CACNA1A: variants seen among roughly 807,000 people sequenced by gnomAD.
The protein encoded by CACNA1A is voltage-dependent P/Q-type calcium channel subunit alpha-1A.
A neutral mutation model predicts 262.4 loss-of-function variants in CACNA1A; 57 were observed. That is an observed-to-expected ratio of 0.22 (90% CI 0.18 to 0.27). The LOEUF is 0.27. Among genes scored for constraint, CACNA1A ranks in the 10% least tolerant of loss-of-function variants. The pLI is 1.00. For synonymous variants in CACNA1A, 1,431 were observed against 1,419.3 expected (o/e 1.01, Z -0.18); for missense variants, 2,526 against 3,562.8 (o/e 0.71, Z 7.41).
chr19:13,261,228 G>C, intron 26 of CACNA1A: 1 of 483,032 alleles, frequency 2.1e-6, no homozygotes, highest in Non-Finnish European at 3.7e-6. Context: ...GTGGCTGAAA[G>C]GTCAATCAAT....
intron 9 of CACNA1A, among the ~76,000 whole-genome samples, chr19:13,331,746 G>A (rs2044017762): frequency 6.6e-6 from 1 of 151,248 alleles, no homozygotes; most frequent in African/African-American, 2.4e-5. Flanking sequence ...CTGCAACCTC[G>A]ACCTCTTGGG....
chr19:13,300,487 G>T, intron 18 of CACNA1A, 63 bp downstream of exon 18: 1 of 1,169,676 alleles, frequency 8.5e-7, no homozygotes. Flanking sequence ...TCCCAAATCT[G>T]TGCCTGGGAT....
chr19:13,274,121 GA>G (rs1158927758), intron 24 of CACNA1A: 1 of 152,056 alleles, frequency 6.6e-6, no homozygotes, highest in Non-Finnish European at 1.5e-5. Context: ...AAGAGAAAAA[GA>G]AAAGAGTAAA....
chr19:13,246,315 G>A (rs956429936), intron 30 of CACNA1A, among the ~76,000 whole-genome samples: 5 of 152,208 alleles, frequency 3.3e-5, no homozygotes, highest in African/African-American at 1.2e-4. Context: ...GGGGCCATGT[G>A]TGTCTAGGTG....
At chr19:13,356,855 C>G (rs537089551) in intron 6 of CACNA1A, among the ~76,000 whole-genome samples, 3 of 152,272 alleles carry the variant, frequency 2.0e-5, no homozygotes, top group African/African-American at 4.8e-5. Flanking sequence ...TTGGGCTGAC[C>G]CTTTGTCCAA....
intron 3 of CACNA1A, among the ~76,000 whole-genome samples, chr19:13,431,712 T>C (rs1310671650): frequency 6.6e-6 from 1 of 151,928 alleles, no homozygotes; most frequent in Non-Finnish European, 1.5e-5. Context: ...AGGAGCAAAT[T>C]CCATCTTTTG....
chr19:13,330,249 G>A lies in CACNA1A; in HGVS notation c.1340C>T (p.Ser447Phe), dbSNP rs1452587011. 6.4e-7 allele frequency: 1 copy of A among 1,555,086 alleles called. No homozygotes were observed. The highest frequency in any genetic ancestry group is 8.7e-7 in the Non-Finnish European group (1 of 1,148,188). Residue 447 changes from serine (S) to phenylalanine (F), a missense_variant, in exon 10 of 47, where the codon TCT becomes TTT. Transcript: ENST00000360228. ...TGGCAGAGGAAGGGACTCACCCACA[G>A]AGGCTATATCAGCCAGCTGATCCTC... The part of the protein sequence containing the change: ...EAEDQLADIA[S>F]VGSPFARASI...
intron 7 of CACNA1A, among the ~76,000 whole-genome samples, chr19:13,334,777 G>A (rs1217304996): frequency 6.6e-6 from 1 of 152,042 alleles, no homozygotes; most frequent in Non-Finnish European, 1.5e-5. Flanking sequence ...GCTCATGTCT[G>A]TAATCCCAGC....
In CACNA1A at chr19:13,241,459, G is replaced by C; in HGVS notation, c.4950+3723C>G. The C allele has an allele frequency of 1.6e-6, 2 of 1,236,522 alleles. No homozygotes were observed. Among genetic ancestry groups the C allele is most frequent in the Non-Finnish European group, 2.3e-6 (2 of 870,974 alleles). The allele number at this position is 1,236,522 out of a possible 1,614,324, so 76.6% of individuals were successfully genotyped here. ...GCAGGGTGTGGCATGCAATGCCGAC[G>C]CGAGGAGATGCGTTCACAGTTAATG... On this transcript the variant is annotated intron_variant, in intron 31 of 46. Transcript: ENST00000360228. This position sits in a 1 kb window ranked among gnomAD's most constrained non-coding sequence, Gnocchi z 4.0.
chr19:13,249,424 C>T lies in CACNA1A; in HGVS notation c.4866+3567G>A, dbSNP rs138021724. Among the ~76,000 whole-genome samples the T allele has an allele frequency of 7.8e-3, 1,189 of 152,172 alleles. 12 individuals are homozygous for T. The highest frequency in any genetic ancestry group is 0.054 in the South Asian group (262 of 4,820). On this transcript the variant is annotated intron_variant, in intron 30 of 46. Transcript: ENST00000360228. ...AGGGTGGGGTGCAGCGGCTCAATCA[C>T]GACTCACTGCAGCCCTGACATCCTG...
intron 3 of CACNA1A, among the ~76,000 whole-genome samples, chr19:13,396,622 T>C (rs1260669529): frequency 1.3e-5 from 2 of 152,232 alleles, no homozygotes; most frequent in Admixed American, 6.5e-5. Context: ...TTAAATAGCC[T>C]CGTGTGGCTA....
chr19:13,374,117 G>T (rs1009637642), intron 3 of CACNA1A, among the ~76,000 whole-genome samples: 2 of 152,184 alleles, frequency 1.3e-5, no homozygotes, highest in African/African-American at 4.8e-5. Flanking sequence ...GCTTGGGACT[G>T]AAAGAGGGCT....
At chr19:13,233,808 T>C (rs1391245597) in intron 34 of CACNA1A, among the ~76,000 whole-genome samples, 1 of 152,176 alleles carries the variant, frequency 6.6e-6, no homozygotes, top group Non-Finnish European at 1.5e-5. Flanking sequence ...CCTTTATTCT[T>C]GAATTTTATC....
chr19:13,285,057 G>A lies in CACNA1A; in HGVS notation c.3692+11C>T. On this transcript the variant is annotated intron_variant, in intron 21 of 46. Coordinates refer to ENST00000360228, the MANE Select transcript of CACNA1A (RefSeq NM_001127222.2). ...CAGGCCCCCCCTGCCCTTGCTGGGG[G>A]CCATACTCACGGGTTGGTCGTGGAC... 8 of 1,613,912 alleles carry A rather than the reference G, an allele frequency of 5.0e-6. No individual in the cohort carries two copies. The highest frequency in any genetic ancestry group is 6.8e-6 in the Non-Finnish European group (8 of 1,179,850).
chr19:13,297,612 A>T lies in CACNA1A; in HGVS notation c.3089+932T>A, dbSNP rs1362047683. Among the ~76,000 whole-genome samples, 5 of 152,216 alleles carry T rather than the reference A, an allele frequency of 3.3e-5. No individual in the cohort carries two copies. In the South Asian group the frequency reaches 8.3e-4, roughly 25 times the overall value. On this transcript the variant is annotated intron_variant, in intron 19 of 46. Coordinates refer to ENST00000360228, the MANE Select transcript of CACNA1A (RefSeq NM_001127222.2). ...GAATGCTTGAGTTCAGGAGTTTGAG[A>T]CCAGCCTGGGAAACACAGTGAAACC...
At chr19:13,343,121 T>C (rs1397717788) in intron 6 of CACNA1A, among the ~76,000 whole-genome samples, 1 of 144,248 alleles carries the variant, frequency 6.9e-6, no homozygotes, top group African/African-American at 2.8e-5. Flanking sequence ...CTTTCTTTTT[T>C]TTCTTTCTTT....
intron 3 of CACNA1A, among the ~76,000 whole-genome samples, chr19:13,396,221 C>T (rs894972818): frequency 2.6e-5 from 4 of 152,212 alleles, no homozygotes; most frequent in Admixed American, 6.5e-5. Context: ...CTCATTGGTT[C>T]ATTTCAGAGC....
At chr19:13,361,290 G>A (rs2059106525) in intron 5 of CACNA1A, among the ~76,000 whole-genome samples, 1 of 152,140 alleles carries the variant, frequency 6.6e-6, no homozygotes, top group Admixed American at 6.6e-5. Flanking sequence ...CCTTTTGCTG[G>A]AAACCAAAGA....
intron 3 of CACNA1A, among the ~76,000 whole-genome samples, chr19:13,416,444 G>A (rs1036548592): frequency 6.6e-6 from 1 of 152,156 alleles, no homozygotes; most frequent in Non-Finnish European, 1.5e-5. Flanking sequence ...CACTTCGGGA[G>A]GCCGAGGCGG....
Sources: allele counts gnomAD v4.1 joint callset (sites outside exome capture counted in the v4.1 genomes callset), GRCh38; gene constraint gnomAD v4.1.1; non-coding constraint Gnocchi (gnomAD v3.1); transcripts MANE v1.5; gene names NCBI Gene and HGNC (gene_info 2026-07-23, HGNC 2026-07-21).